The following JAKMIP1 variants were observed in gnomAD, a reference collection of about 807,000 sequenced individuals.
The protein encoded by JAKMIP1 is janus kinase and microtubule-interacting protein 1.
A neutral mutation model predicts 113.0 loss-of-function variants in JAKMIP1; 33 were observed. That is an observed-to-expected ratio of 0.29 (90% CI 0.22 to 0.39). The LOEUF (loss-of-function observed/expected upper bound fraction) is 0.39. Ranked by LOEUF, JAKMIP1 falls within the 10% of genes least tolerant of loss-of-function variation. JAKMIP1 has a pLI of 1.00. For missense variants in JAKMIP1, 813 were observed against 1,080.5 expected (o/e 0.75, Z 3.47); for synonymous variants, 480 against 459.9 (o/e 1.04, Z -0.56).
intron 11 of JAKMIP1, among the ~76,000 whole-genome samples, chr4:6,057,615 G>A (rs1013799513): frequency 6.6e-6 from 1 of 152,204 alleles, no homozygotes; most frequent in Non-Finnish European, 1.5e-5. Flanking sequence ...GTGAGGAGTG[G>A]CTGTGCTCCA....
chr4:6,104,487 G>C (rs1713580670), intron 3 of JAKMIP1, among the ~76,000 whole-genome samples: 1 of 152,230 alleles, frequency 6.6e-6, no homozygotes, highest in South Asian at 2.1e-4. Flanking sequence ...AGCCAGACCA[G>C]CTTTGCTTTT....
intron 1 of JAKMIP1, among the ~76,000 whole-genome samples, chr4:6,170,467 C>T (rs1274683752): frequency 9.6e-4 from 1 of 1,040 alleles, no homozygotes; most frequent in African/African-American, 4.3e-3. Context: ...CCACCACCAC[C>T]ATTACCACCC....
At chr4:6,122,176 C>A (rs1279418746) in intron 1 of JAKMIP1, among the ~76,000 whole-genome samples, 3 of 152,264 alleles carry the variant, frequency 2.0e-5, no homozygotes, top group Non-Finnish European at 4.4e-5. Context: ...GAAACCCCGT[C>A]TCTACTAAAA....
At chr4:6,149,595 T>A (rs1721310745) in intron 1 of JAKMIP1, among the ~76,000 whole-genome samples, 1 of 152,246 alleles carries the variant, frequency 6.6e-6, no homozygotes, top group Non-Finnish European at 1.5e-5. Context: ...ATCTCTCTTC[T>A]GAAGATTAAA....
At chr4:6,189,363 C>A (rs1726984856) in intron 1 of JAKMIP1, among the ~76,000 whole-genome samples, 1 of 152,210 alleles carries the variant, frequency 6.6e-6, no homozygotes. Context: ...GGTATTCCCA[C>A]CCCAAGCATT....
rs944471726 is a variant in JAKMIP1, at chr4:6,135,909, G to T, written c.-147-22912C>A. On this transcript the variant is annotated intron_variant, in intron 1 of 20. Coordinates refer to ENST00000409021, the MANE Select transcript of JAKMIP1 (RefSeq NM_001099433.2). This position sits in a 1 kb window ranked among gnomAD's most constrained non-coding sequence, Gnocchi z 4.9. ...CTTAAGAAATGGTGGGGGGAGAGGTGGGGGGGGACAGCAAAAATAAGGAGT... is the reference window on the plus strand; with the variant it reads ...CTTAAGAAATGGTGGGGGGAGAGGTTGGGGGGGACAGCAAAAATAAGGAGT... Among the ~76,000 whole-genome samples, 3 of 151,274 alleles carry T rather than the reference G, an allele frequency of 2.0e-5. No individual in the cohort carries two copies. Among genetic ancestry groups the T allele is most frequent in the African/African-American group, 4.9e-5 (2 of 41,088 alleles).
At chr4:6,039,663 G>C (rs927174077) in intron 18 of JAKMIP1, among the ~76,000 whole-genome samples, 2 of 152,158 alleles carry the variant, frequency 1.3e-5, no homozygotes, top group African/African-American at 4.8e-5. Context: ...GTCTTGATAA[G>C]GTTTAGTTCA....
rs35098484 is a variant in JAKMIP1, at chr4:6,193,305, T to C, written c.-148+6948A>G. On this transcript the variant is annotated intron_variant, in intron 1 of 20. Coordinates refer to ENST00000409021, the MANE Select transcript of JAKMIP1 (RefSeq NM_001099433.2). This position sits in a 1 kb window ranked among gnomAD's most constrained non-coding sequence, Gnocchi z 6.4. ...GGGATTCAGACTGATCCGCCACTGG[T>C]TTCTTTGCTCCTCAACTTGCAGACA... Among the ~76,000 whole-genome samples the C allele has an allele frequency of 0.47, 70,959 of 152,058 alleles. 17,856 individuals are homozygous for C. The highest frequency in any genetic ancestry group is 0.64 in the East Asian group (3,307 of 5,150).
rs184572482 is a variant in JAKMIP1 at position 6,040,351 on chromosome 4, C to T, written c.2175+288G>A. On this transcript the variant is annotated intron_variant, in intron 18 of 20. Transcript: ENST00000409021. This position sits in a 1 kb window ranked among gnomAD's most constrained non-coding sequence, Gnocchi z 5.8. ...GTCTAAATATTTAAGTAAAATCAAA[C>T]ATAAAAGAAATATAGTTTCTTCTCA... Among the ~76,000 whole-genome samples the T allele has an allele frequency of 3.0e-4, 45 of 152,246 alleles. No individual in the cohort carries two copies. In the East Asian group the frequency reaches 6.4e-3, roughly 22 times the overall value.
intron 13 of JAKMIP1, among the ~76,000 whole-genome samples, chr4:6,052,349 C>G (rs1473767110): frequency 6.6e-6 from 1 of 151,958 alleles, no homozygotes; most frequent in Non-Finnish European, 1.5e-5. Context: ...TTTATATGAA[C>G]AAAAGTCATT....
intron 3 of JAKMIP1, among the ~76,000 whole-genome samples, chr4:6,090,089 G>A (rs542665257): frequency 6.6e-6 from 1 of 152,134 alleles, no homozygotes; most frequent in Non-Finnish European, 1.5e-5. Context: ...AGGTGAGGTG[G>A]TGCATGCCTG....
chr4:6,052,968 A>G (rs980514762), intron 13 of JAKMIP1, among the ~76,000 whole-genome samples: 1 of 152,202 alleles, frequency 6.6e-6, no homozygotes, highest in Non-Finnish European at 1.5e-5. Context: ...GTTCTAATGC[A>G]GACAGAATTG....
chr4:6,073,828 C>T (rs565556425), intron 8 of JAKMIP1, among the ~76,000 whole-genome samples: 2 of 152,342 alleles, frequency 1.3e-5, no homozygotes, highest in East Asian at 3.9e-4. Context: ...ATGATGGGTC[C>T]TTCTTTCAAC....
chr4:6,087,123 A>G (rs948202464), intron 3 of JAKMIP1, among the ~76,000 whole-genome samples: 1 of 152,222 alleles, frequency 6.6e-6, no homozygotes, highest in South Asian at 2.1e-4. Flanking sequence ...GTAGCAAGTT[A>G]CATTTCAGTG....
At chr4:6,029,463 CTT>C (rs1712301930) in intron 20 of JAKMIP1, among the ~76,000 whole-genome samples, 1 of 152,200 alleles carries the variant, frequency 6.6e-6, no homozygotes, top group Non-Finnish European at 1.5e-5. Context: ...AGGGGAAAGT[CTT>C]TTGTGAAAAA....
chr4:6,034,679 A>G (rs1713173768), intron 19 of JAKMIP1, among the ~76,000 whole-genome samples: 1 of 152,122 alleles, frequency 6.6e-6, no homozygotes, highest in African/African-American at 2.4e-5. Context: ...GCGGGTGCCT[A>G]TAATCTCAGC....
In JAKMIP1 at chr4:6,138,351, G is replaced by A. The variant is rs1159666608; in HGVS notation, c.-147-25354C>T. Reference sequence around the variant, plus strand: ...CAACCTCTGCCTCCTGGGTTCAAGCGATTCTCCTGCCTCAGCTTTCCAAGT... The same window carrying A: ...CAACCTCTGCCTCCTGGGTTCAAGCAATTCTCCTGCCTCAGCTTTCCAAGT... On this transcript the variant is annotated intron_variant, in intron 1 of 20. Transcript: ENST00000409021. This position sits in a 1 kb window ranked among gnomAD's most constrained non-coding sequence, Gnocchi z 6.0. Among the ~76,000 whole-genome samples, 7 of 152,104 alleles carry A rather than the reference G, an allele frequency of 4.6e-5. No individual in the cohort carries two copies. Among genetic ancestry groups the A allele is most frequent in the Non-Finnish European group, 1.0e-4 (7 of 68,028 alleles).
In JAKMIP1 at chr4:6,097,650, C is replaced by T. The variant is rs1578221799; in HGVS notation, c.624+7823G>A. ...GATGCTCAACCTATTTCTATACCACCTTTGGAAAACTCCATAAGGATGGGG... is the reference window on the plus strand; with the variant it reads ...GATGCTCAACCTATTTCTATACCACTTTTGGAAAACTCCATAAGGATGGGG... On this transcript the variant is annotated intron_variant, in intron 3 of 20. Coordinates refer to ENST00000409021, the MANE Select transcript of JAKMIP1 (RefSeq NM_001099433.2). This position sits in a 1 kb window ranked among gnomAD's most constrained non-coding sequence, Gnocchi z 4.3. Among the ~76,000 whole-genome samples, 1 of 152,272 alleles carries T rather than the reference C, an allele frequency of 6.6e-6. No homozygotes were observed. The highest frequency in any genetic ancestry group is 1.9e-4 in the East Asian group (1 of 5,184).
At position 6,076,206 on chromosome 4, in the gene JAKMIP1, A is replaced by G. The variant is rs1719672685; in HGVS notation, c.1302+2733T>C. 6.6e-6 allele frequency among the ~76,000 whole-genome samples: 1 copy of G among 152,096 alleles called. No individual in the cohort carries two copies. Among genetic ancestry groups the G allele is most frequent in the Non-Finnish European group, 1.5e-5 (1 of 68,032 alleles). On this transcript the variant is annotated intron_variant, in intron 8 of 20. Transcript: ENST00000409021. The surrounding 1 kb of genome is among the most constrained non-coding windows in gnomAD (Gnocchi z 4.8). ...AAAATTAGTAAATAAATAAAAAATAAAATAAACAAACAAACAAATAAATAT... is the reference window on the plus strand; with the variant it reads ...AAAATTAGTAAATAAATAAAAAATAGAATAAACAAACAAACAAATAAATAT...
Sources: gnomAD v4.1 joint callset for allele counts (sites outside exome capture counted in the v4.1 genomes callset) on GRCh38, gnomAD v4.1.1 for gene constraint, Gnocchi (gnomAD v3.1) non-coding constraint, MANE v1.5 for transcripts, NCBI Gene and HGNC (gene_info 2026-07-23, HGNC 2026-07-21) for gene names.